ADCY5: variants seen among roughly 807,000 people sequenced by gnomAD.
The protein encoded by ADCY5 is adenylate cyclase type 5.
ADCY5 carries 30 observed loss-of-function variants against 119.7 expected under a neutral mutation model. That is an observed-to-expected ratio of 0.25 (90% confidence interval 0.19 to 0.34). The LOEUF (loss-of-function observed/expected upper bound fraction) is 0.34, where lower values mean the gene tolerates loss of function less well. Ranked by LOEUF, ADCY5 falls within the 10% of genes least tolerant of loss-of-function variation. The pLI, the probability that ADCY5 is intolerant of heterozygous loss-of-function variation, is 1.00. For synonymous variants in ADCY5, 753 were observed against 762.2 expected, an observed-to-expected ratio of 0.99 and a Z score of 0.20; for missense variants, 1,324 against 1,775.2, an observed-to-expected ratio of 0.75 and a Z score of 4.57.
intron 15 of ADCY5, among the ~76,000 whole-genome samples, 160 bp from the exon 16 acceptor site, chr3:123,297,542 T>G (rs1051264885): frequency 3.9e-5 from 6 of 152,090 alleles, no homozygotes; most frequent in Non-Finnish European, 7.4e-5. Flanking sequence ...ATTTTCAGGG[T>G]GGGAGGTGGC....
chr3:123,343,411 T>C (rs1296234729), intron 3 of ADCY5, among the ~76,000 whole-genome samples: 2 of 152,110 alleles, frequency 1.3e-5, no homozygotes, highest in African/African-American at 4.8e-5. Flanking sequence ...GAGGCTCCGA[T>C]TAGGTGCCTT....
At chr3:123,380,204 A>G (rs1346400554) in intron 1 of ADCY5, among the ~76,000 whole-genome samples, 1 of 152,194 alleles carries the variant, frequency 6.6e-6, no homozygotes, top group East Asian at 1.9e-4. Flanking sequence ...CCCAGTTGCA[A>G]TTACCAATGC....
rs554360880 is a variant in ADCY5, at chr3:123,353,349, G to A, written c.1135-768C>T. On this transcript the variant is annotated intron_variant, in intron 1 of 20. Transcript: ENST00000462833. ...GGGAAAATGAAACACAATACAACAC[G>A]ACACGGAAAGCAAGGTTATACGGTA... 3.3e-5 allele frequency among the ~76,000 whole-genome samples: 5 copies of A among 152,298 alleles called. No individual in the cohort carries two copies. In the South Asian group the frequency reaches 1.0e-3, roughly 32 times the overall value.
At position 123,291,420 on chromosome 3, in the gene ADCY5, C is replaced by T. The variant is rs758427550; in HGVS notation, c.3064-44G>A. Reference sequence around the variant, plus strand: ...AAGTCACCCAGATGCCAATGTGAGCCCAGATGTCGGCCCCTCCACCTCCTC... The same window carrying T: ...AAGTCACCCAGATGCCAATGTGAGCTCAGATGTCGGCCCCTCCACCTCCTC... On this transcript the variant is annotated intron_variant, in intron 17 of 20. Coordinates refer to ENST00000462833, the MANE Select transcript of ADCY5 (RefSeq NM_183357.3). 3.2e-6 allele frequency: 5 copies of T among 1,577,952 alleles called. No individual in the cohort carries two copies. In the South Asian group the frequency reaches 5.8e-5, roughly 18 times the overall value.
chr3:123,346,599 G>A (rs1054081882), intron 3 of ADCY5, among the ~76,000 whole-genome samples: 1 of 84,526 alleles, frequency 1.2e-5, no homozygotes, highest in South Asian at 4.2e-4. Context: ...ACTGCTGTCA[G>A]CCTCACCTTC....
In ADCY5 at chr3:123,282,766, C is replaced by CGGGGA. The variant is rs1441318898; in HGVS notation, c.*1837_*1841dup. 6.6e-6 allele frequency: 1 copy of CGGGGA among 152,140 alleles called. No individual in the cohort carries two copies. Among genetic ancestry groups the CGGGGA allele is most frequent in the African/African-American group, 2.4e-5 (1 of 41,390 alleles). The allele number at this position is 152,140 out of a possible 1,614,324, so 9.4% of individuals were successfully genotyped here. On this transcript the variant is annotated 3_prime_UTR_variant, in exon 21 of 21. Transcript: ENST00000462833. ...CTCAGAGCTGTGTTCAGTTGGTGTG[C>CGGGGA]GGGGAGGGGAGGGTGGTGCTAGAGC...
chr3:123,367,762 T>A (rs1363417899), intron 1 of ADCY5: 3 of 1,239,716 alleles, frequency 2.4e-6, no homozygotes. Context: ...CCTTCCCCCA[T>A]CCCCTAGCCT....
At chr3:123,380,606 G>A (rs1365146197) in intron 1 of ADCY5, among the ~76,000 whole-genome samples, 1 of 152,160 alleles carries the variant, frequency 6.6e-6, no homozygotes, top group Non-Finnish European at 1.5e-5. Context: ...CTCAGATCCT[G>A]TCCTTCCCCA....
intron 3 of ADCY5, among the ~76,000 whole-genome samples, chr3:123,338,297 GAAGCCCCCA>G (rs1942116746): frequency 6.6e-6 from 1 of 152,330 alleles, no homozygotes; most frequent in East Asian, 1.9e-4. Flanking sequence ...CCCTGACTGT[GAAGCCCCCA>G]AAGCCTCACC....
Position 123,447,586 on chromosome 3 carries a change from C to T in ADCY5, c.960G>A (p.Pro320=), listed in dbSNP as rs764724215. 1.9e-6 allele frequency: 3 copies of T among 1,607,588 alleles called. No homozygotes were observed. Among genetic ancestry groups the T allele is most frequent in the Non-Finnish European group, 2.5e-6 (3 of 1,179,144 alleles). The part of the protein sequence containing the change: ...LAVQVVGLLL[P]QPRSASEGIW... ...TGCCCTCAGAGGCGCTGCGTGGCTG[C>T]GGCAGCAGCAGGCCCACCACCTGGA... Residue 320 remains proline (P), a synonymous_variant, in exon 1 of 21, where the codon CCG becomes CCA. Transcript: ENST00000462833.
At chr3:123,365,937 T>C (rs1463660167) in intron 1 of ADCY5, among the ~76,000 whole-genome samples, 2 of 152,096 alleles carry the variant, frequency 1.3e-5, no homozygotes, top group Non-Finnish European at 2.9e-5. Context: ...CGTACTTCCC[T>C]GCAGAACTGA....
At chr3:123,395,368 C>T (rs557052504) in intron 1 of ADCY5, among the ~76,000 whole-genome samples, 1 of 152,308 alleles carries the variant, frequency 6.6e-6, no homozygotes, top group South Asian at 2.1e-4. Context: ...CCTCATATCT[C>T]CTGCCACTTC....
intron 1 of ADCY5, among the ~76,000 whole-genome samples, chr3:123,407,189 A>T (rs1314958171): frequency 6.7e-6 from 1 of 149,042 alleles, no homozygotes; most frequent in African/African-American, 2.5e-5. Context: ...CTAACCATCA[A>T]CTCTCCCTTC....
chr3:123,294,785 C>T (rs1292544625), intron 17 of ADCY5, among the ~76,000 whole-genome samples: 2 of 152,066 alleles, frequency 1.3e-5, no homozygotes, highest in African/African-American at 4.8e-5. Context: ...GCAGGGATGA[C>T]GCAGGGAGTG....
chr3:123,294,822 G>A (rs1178902186), intron 17 of ADCY5, among the ~76,000 whole-genome samples: 1 of 152,200 alleles, frequency 6.6e-6, no homozygotes, highest in Non-Finnish European at 1.5e-5. Flanking sequence ...GTAGACATGG[G>A]AGTATTTAGG....
chr3:123,404,794 C>T (rs1243417349), intron 1 of ADCY5, among the ~76,000 whole-genome samples: 1 of 152,208 alleles, frequency 6.6e-6, no homozygotes, highest in East Asian at 1.9e-4. Context: ...ACTACCTTGG[C>T]CAGCAGGGAA....
chr3:123,441,039 C>T (rs192550973), intron 1 of ADCY5, among the ~76,000 whole-genome samples: 8 of 152,308 alleles, frequency 5.3e-5, no homozygotes. Context: ...TAAGAGGACA[C>T]CCTGGAGGAC....
At chr3:123,421,635 G>T (rs1414400308) in intron 1 of ADCY5, among the ~76,000 whole-genome samples, 5 of 152,090 alleles carry the variant, frequency 3.3e-5, no homozygotes, top group Non-Finnish European at 7.4e-5. Flanking sequence ...TGGGTGGGAG[G>T]AGTTCTGAGT....
At chr3:123,312,650 C>T (rs554601670) in intron 12 of ADCY5, among the ~76,000 whole-genome samples, 1 of 152,192 alleles carries the variant, frequency 6.6e-6, no homozygotes, top group Non-Finnish European at 1.5e-5. Context: ...TCAGACCATA[C>T]GTGTGACCTT....
Sources: gnomAD v4.1 joint callset for allele counts (sites outside exome capture counted in the v4.1 genomes callset) on GRCh38, gnomAD v4.1.1 for gene constraint, MANE v1.5 for transcripts, NCBI Gene and HGNC (gene_info 2026-07-23, HGNC 2026-07-21) for gene names.